The following FAM107B variants were observed in gnomAD, a reference collection of about 807,000 sequenced individuals.
The protein encoded by FAM107B is protein FAM107B.
A neutral mutation model predicts 31.5 loss-of-function variants in FAM107B; 21 were observed. The observed-to-expected ratio is 0.67, with a 90% CI of 0.47 to 0.96. The LOEUF is 0.96. Ranked by LOEUF, FAM107B falls within the 40% of genes least tolerant of loss-of-function variation. The pLI is 0.00. For synonymous variants in FAM107B, 157 were observed against 141.5 expected (o/e 1.11, Z -0.78); for missense variants, 452 against 377.1 (o/e 1.20, Z -1.64).
chr10:14,532,700 C>T (rs1472290910), intron 2 of FAM107B: 1 of 152,266 alleles, frequency 6.6e-6, no homozygotes, highest in African/African-American at 2.4e-5. Flanking sequence ...CACCTCTGCT[C>T]AGCCACAAGT....
Position 14,584,052 on chromosome 10 carries a change from G to T in FAM107B, c.470-53537C>A, listed in dbSNP as rs549673991. On this transcript the variant is annotated intron_variant, in intron 2 of 4. Coordinates refer to ENST00000181796, the MANE Select transcript of FAM107B (RefSeq NM_031453.4). ...TTCAGTAGGAGTTCCTAGCTACTCC[G>T]GCAGATCCAGATGCTGAGACATACT... 5.3e-5 allele frequency among the ~76,000 whole-genome samples: 8 copies of T among 152,296 alleles called. No homozygotes were observed. In the South Asian group the frequency reaches 1.7e-3, roughly 32 times the overall value.
chr10:14,644,422 C>T lies in FAM107B; in HGVS notation c.469+23212G>A, dbSNP rs76493259. On this transcript the variant is annotated intron_variant, in intron 2 of 4. Transcript: ENST00000181796. ...GTTGAGCTGGGATTTGCATCCAGCA[C>T]GGCTCATGTTGTTCTTTCATGCGTA... 2.0e-3 allele frequency among the ~76,000 whole-genome samples: 310 copies of T among 152,316 alleles called. 3 individuals are homozygous for T. The highest frequency in any genetic ancestry group is 7.5e-3 in the Admixed American group (115 of 15,308).
intron 2 of FAM107B, chr10:14,572,174 A>G (rs1371339330): frequency 1.0e-6 from 1 of 985,296 alleles, no homozygotes; most frequent in East Asian, 1.1e-4. Flanking sequence ...CCGGCACAGA[A>G]GCCAGAGCAA....
chr10:14,759,287 A>G (rs1355007182), intron 1 of FAM107B, among the ~76,000 whole-genome samples: 1 of 152,206 alleles, frequency 6.6e-6, no homozygotes, highest in Non-Finnish European at 1.5e-5. Context: ...TATAGAACAA[A>G]CAGTGCCAGC....
intron 2 of FAM107B, among the ~76,000 whole-genome samples, chr10:14,663,884 A>T (rs1854329432): frequency 1.2e-5 from 1 of 85,166 alleles, no homozygotes; most frequent in African/African-American, 4.2e-5. Flanking sequence ...TTAGATCATC[A>T]GCCAAAAAAA....
At chr10:14,703,172 C>T (rs543695207) in intron 1 of FAM107B, among the ~76,000 whole-genome samples, 1 of 152,226 alleles carries the variant, frequency 6.6e-6, no homozygotes, top group South Asian at 2.1e-4. Context: ...TGGCTCTCCC[C>T]ATGTGCGTGC....
intron 2 of FAM107B, among the ~76,000 whole-genome samples, chr10:14,540,803 A>C (rs528044070): frequency 3.5e-4 from 53 of 152,236 alleles, no homozygotes; most frequent in African/African-American, 1.3e-3. Flanking sequence ...TGTCAAGTTG[A>C]GCTCCCCTTT....
intron 2 of FAM107B, among the ~76,000 whole-genome samples, chr10:14,564,539 A>G (rs1448375188): frequency 6.6e-6 from 1 of 152,110 alleles, no homozygotes; most frequent in Non-Finnish European, 1.5e-5. Context: ...ATATTATAAA[A>G]ACATTTTTGC....
chr10:14,554,706 T>C (rs889429529), intron 2 of FAM107B, among the ~76,000 whole-genome samples: 4 of 152,246 alleles, frequency 2.6e-5, no homozygotes, highest in Non-Finnish European at 5.9e-5. Flanking sequence ...CTAATAAGTT[T>C]CAACAGAACA....
chr10:14,603,386 A>G (rs140081407), intron 2 of FAM107B, among the ~76,000 whole-genome samples: 34 of 152,314 alleles, frequency 2.2e-4, no homozygotes, highest in African/African-American at 8.2e-4. Context: ...TGACCCCTCA[A>G]AATCGCACCC....
chr10:14,681,251 G>A (rs534393007), intron 1 of FAM107B, among the ~76,000 whole-genome samples: 160 of 152,336 alleles, frequency 1.1e-3, no homozygotes, highest in African/African-American at 3.5e-3. Flanking sequence ...TCTGGCTTCT[G>A]TGTTAGTTCT....
chr10:14,541,439 A>T (rs1848189553), intron 2 of FAM107B, among the ~76,000 whole-genome samples: 1 of 152,136 alleles, frequency 6.6e-6, no homozygotes, highest in African/African-American at 2.4e-5. Flanking sequence ...AAGCCCGTGC[A>T]CGTTCCCATC....
intron 3 of FAM107B, among the ~76,000 whole-genome samples, chr10:14,526,159 A>G (rs1334592691): frequency 2.0e-5 from 3 of 152,148 alleles, no homozygotes; most frequent in Non-Finnish European, 4.4e-5. Flanking sequence ...GGAAAATTTG[A>G]TTTGAATTTA....
chr10:14,625,711 G>A (rs185613799), intron 2 of FAM107B, among the ~76,000 whole-genome samples: 15 of 151,846 alleles, frequency 9.9e-5, no homozygotes, highest in East Asian at 5.8e-4. Flanking sequence ...TGAAATTCTC[G>A]TGGTTTCAGA....
chr10:14,650,109 CT>C (rs1315321783), intron 2 of FAM107B, among the ~76,000 whole-genome samples: 3 of 152,236 alleles, frequency 2.0e-5, no homozygotes, highest in Non-Finnish European at 4.4e-5. Context: ...AGAAGCCCCA[CT>C]TTTGTCAATG....
chr10:14,694,969 G>A (rs929164836), intron 1 of FAM107B, among the ~76,000 whole-genome samples: 18 of 152,094 alleles, frequency 1.2e-4, no homozygotes, highest in Non-Finnish European at 2.2e-4. Flanking sequence ...CTACGATGAT[G>A]GTTTTCTTTG....
intron 2 of FAM107B, among the ~76,000 whole-genome samples, chr10:14,547,405 T>C (rs1362309440): frequency 6.6e-6 from 1 of 152,174 alleles, no homozygotes; most frequent in Non-Finnish European, 1.5e-5. Context: ...TCTCCGTATA[T>C]TGGCCAAATT....
chr10:14,638,697 C>T (rs1436062715), intron 2 of FAM107B, among the ~76,000 whole-genome samples: 1 of 152,190 alleles, frequency 6.6e-6, no homozygotes, highest in Non-Finnish European at 1.5e-5. Flanking sequence ...TGACCAAGAG[C>T]TCTTTTTTAT....
At position 14,698,624 on chromosome 10, in the gene FAM107B, G is replaced by A. The variant is rs575545822; in HGVS notation, c.412-30933C>T. Among the ~76,000 whole-genome samples, 7 of 152,292 alleles carry A rather than the reference G, an allele frequency of 4.6e-5. 1 individual carries two copies. Among genetic ancestry groups the A allele is most frequent in the African/African-American group, 1.2e-4 (5 of 41,574 alleles). Reference sequence around the variant, plus strand: ...TGGACATGCCGGGGCTCAAAAACACGTGAGTTGACCAAGGTCCTACAGCTG... The same window carrying A: ...TGGACATGCCGGGGCTCAAAAACACATGAGTTGACCAAGGTCCTACAGCTG... On this transcript the variant is annotated intron_variant, in intron 1 of 4. Transcript: ENST00000181796.
Sources: gnomAD v4.1 joint callset for allele counts (sites outside exome capture counted in the v4.1 genomes callset) on GRCh38, gnomAD v4.1.1 for gene constraint, MANE v1.5 for transcripts, NCBI Gene and HGNC (gene_info 2026-07-23, HGNC 2026-07-21) for gene names.